Variants in SPMIP2 observed in about 807,000 individuals in gnomAD.
SPMIP2 encodes protein SPMIP2.
chr4:159,077,232 C>T, the SPMIP2 span, among the ~76,000 whole-genome samples: 4 of 152,124 alleles, frequency 2.6e-5, no homozygotes, highest in East Asian at 1.9e-4. Context: ...CCACAATCTC[C>T]GCCTCCCAGG....
At chr4:158,985,228 T>C in the SPMIP2 span, among the ~76,000 whole-genome samples, 1 of 145,338 alleles carries the variant, frequency 6.9e-6, no homozygotes, top group Admixed American at 7.0e-5. Flanking sequence ...GTACCATTCC[T>C]TCTGATACTA....
the SPMIP2 span, chr4:158,904,546 C>T: frequency 6.2e-7 from 1 of 1,611,628 alleles, no homozygotes; most frequent in Non-Finnish European, 8.5e-7. Context: ...CTCTTATAAG[C>T]TAAAGCTCAG....
chr4:159,017,354 CAT>C, the SPMIP2 span, among the ~76,000 whole-genome samples: 2 of 69,106 alleles, frequency 2.9e-5, no homozygotes, highest in Admixed American at 4.1e-4. Flanking sequence ...AACACAAACA[CAT>C]ACACACACAC....
the SPMIP2 span, among the ~76,000 whole-genome samples, chr4:158,952,529 A>T: frequency 6.6e-6 from 1 of 152,202 alleles, no homozygotes; most frequent in East Asian, 1.9e-4. Flanking sequence ...GTGTGTCTTT[A>T]TCAGCAGCAT....
chr4:158,993,030 C>CTG, the SPMIP2 span, among the ~76,000 whole-genome samples: 6 of 151,454 alleles, frequency 4.0e-5, no homozygotes, highest in East Asian at 1.9e-4. Flanking sequence ...ATGTGTGTTT[C>CTG]TGTGTGTGTG....
At chr4:158,925,324 A>C in the SPMIP2 span, among the ~76,000 whole-genome samples, 1 of 152,132 alleles carries the variant, frequency 6.6e-6, no homozygotes, top group Non-Finnish European at 1.5e-5. Flanking sequence ...ATTTGTTGGA[A>C]TTGTTCGCAG....
chr4:158,980,872 C>A, the SPMIP2 span, among the ~76,000 whole-genome samples: 1 of 152,106 alleles, frequency 6.6e-6, no homozygotes, highest in Non-Finnish European at 1.5e-5. Flanking sequence ...GATGAACTGA[C>A]AAAAGTAGGC....
the SPMIP2 span, among the ~76,000 whole-genome samples, chr4:159,042,313 G>C: frequency 6.6e-6 from 1 of 152,196 alleles, no homozygotes; most frequent in African/African-American, 2.4e-5. Flanking sequence ...CTGCTGCTCT[G>C]TAAGTTTTGA....
chr4:159,016,938 G>C, the SPMIP2 span, among the ~76,000 whole-genome samples: 1 of 152,304 alleles, frequency 6.6e-6, no homozygotes, highest in East Asian at 1.9e-4. Context: ...CTACCACCCT[G>C]GAAAGCTCTG....
the SPMIP2 span, among the ~76,000 whole-genome samples, chr4:159,008,817 T>C: frequency 6.6e-6 from 1 of 152,242 alleles, no homozygotes; most frequent in Non-Finnish European, 1.5e-5. Context: ...ATTTCATGAA[T>C]TCCATTCCTG....
chr4:158,916,152 C>G, the SPMIP2 span, among the ~76,000 whole-genome samples: 2,861 of 152,272 alleles, frequency 0.019, 45 homozygotes, highest in Non-Finnish European at 0.029. Flanking sequence ...TCTACAGGCT[C>G]TTTCTACATG....
the SPMIP2 span, among the ~76,000 whole-genome samples, chr4:159,023,697 A>G: frequency 6.6e-6 from 1 of 152,210 alleles, no homozygotes; most frequent in Admixed American, 6.5e-5. Context: ...CTCACATGTT[A>G]TGGCACACTG....
the SPMIP2 span, among the ~76,000 whole-genome samples, chr4:159,019,393 T>C: frequency 2.7e-5 from 4 of 150,748 alleles, no homozygotes; most frequent in African/African-American, 7.3e-5. Flanking sequence ...TAGAGGTGGG[T>C]ATCTACTTGG....
At chr4:158,959,600 A>G in the SPMIP2 span, among the ~76,000 whole-genome samples, 1 of 152,206 alleles carries the variant, frequency 6.6e-6, no homozygotes, top group South Asian at 2.1e-4. Flanking sequence ...ATTAAAAGTG[A>G]AGTAAAATAA....
chr4:159,057,605 G>C, the SPMIP2 span, among the ~76,000 whole-genome samples: 1 of 152,108 alleles, frequency 6.6e-6, no homozygotes, highest in African/African-American at 2.4e-5. Flanking sequence ...TTTATAAAGA[G>C]AGATTTCAAT....
At chr4:159,055,608 G>A in the SPMIP2 span, among the ~76,000 whole-genome samples, 2 of 152,218 alleles carry the variant, frequency 1.3e-5, no homozygotes, top group South Asian at 4.1e-4. Flanking sequence ...TAATTGAGGA[G>A]CTGAGGCTGG....
At chr4:159,007,089 G>A in the SPMIP2 span, 1 of 583,218 alleles carries the variant, frequency 1.7e-6, no homozygotes, top group South Asian at 1.4e-5. Flanking sequence ...CGGTAATTAG[G>A]AGGCCAGAGA....
chr4:158,957,762 T>C, the SPMIP2 span, among the ~76,000 whole-genome samples: 1 of 152,158 alleles, frequency 6.6e-6, no homozygotes, highest in African/African-American at 2.4e-5. Flanking sequence ...TAATCACTTC[T>C]CTCAGTAAAC....
At chr4:159,007,299 C>T in the SPMIP2 span, 8,041 of 901,488 alleles carry the variant, frequency 8.9e-3, 356 homozygotes, top group African/African-American at 0.11. Context: ...GACTTCCCTC[C>T]GGGCCCCACT....
Sources: gnomAD v4.1 joint callset for allele counts (sites outside exome capture counted in the v4.1 genomes callset) on GRCh38, gnomAD v4.1.1 for gene constraint, MANE v1.5 for transcripts, NCBI Gene and HGNC (gene_info 2026-07-23, HGNC 2026-07-21) for gene names.